Variants in TRDMT1 observed in about 807,000 individuals in gnomAD.
TRDMT1 encodes tRNA aspartic acid methyltransferase 1.
TRDMT1 carries 49 observed loss-of-function variants against 51.2 expected under a neutral mutation model. The ratio of observed to expected loss-of-function variants is 0.96; its 90% CI spans 0.76 to 1.21. The LOEUF (loss-of-function observed/expected upper bound fraction) is 1.21, where lower values mean the gene tolerates loss of function less well. Among genes scored for constraint, TRDMT1 ranks in the 50% most tolerant of loss-of-function variants. The pLI, the probability that TRDMT1 is intolerant of heterozygous loss-of-function variation, is 0.00. For missense variants in TRDMT1, 534 were observed against 462.3 expected (o/e 1.16, Z -1.42); for synonymous variants, 187 against 164.6 (o/e 1.14, Z -1.04).
chr10:17,148,236 T>C lies in TRDMT1; in HGVS notation c.*804A>G, dbSNP rs1323282008. The C allele has an allele frequency of 2.0e-6, 2 of 985,260 alleles. No individual in the cohort carries two copies. The highest frequency in any genetic ancestry group is 1.1e-4 in the East Asian group (1 of 8,826). 61.0% of individuals were successfully genotyped at this position (985,260 alleles called of 1,614,324 possible). A position where few individuals can be genotyped will look rare whatever the true frequency, so the allele number is the denominator to read the frequency against. ...GGGAGGGGAGTACTGTCATATGACA[T>C]GGGATCAGAGGGCAGCTTCCTCCCT... On this transcript the variant is annotated 3_prime_UTR_variant, in exon 11 of 11. Coordinates refer to ENST00000377799, the MANE Select transcript of TRDMT1 (RefSeq NM_004412.7).
chr10:17,159,958 T>C (rs990243342), intron 6 of TRDMT1, among the ~76,000 whole-genome samples: 1 of 152,180 alleles, frequency 6.6e-6, no homozygotes, highest in Non-Finnish European at 1.5e-5. Context: ...TGTTTTCTAT[T>C]TTGGATTATT....
At chr10:17,165,175 T>G (rs1588560612) in intron 3 of TRDMT1, among the ~76,000 whole-genome samples, 1 of 152,046 alleles carries the variant, frequency 6.6e-6, no homozygotes, top group African/African-American at 2.4e-5. Flanking sequence ...AACAGAGATA[T>G]AGATCAATGG....
At position 17,159,207 on chromosome 10, in the gene TRDMT1, A is replaced by G. The variant is rs766393195; in HGVS notation, c.482T>C (p.Leu161Pro). The change falls in exon 7 of 11, where the codon CTA becomes CCA. Residue 161 changes from leucine (L) to proline (P), a missense_variant. Transcript: ENST00000377799. ...PTSLGIPNSR[L>P]RYFLIAKLQS... ...AAGCTTTGCAATAAGAAAATATCGT[A>G]GCCTTGAATTTGGAATGCCAAGCTG... 1.9e-6 allele frequency: 3 copies of G among 1,603,056 alleles called. No individual in the cohort carries two copies. Among genetic ancestry groups the G allele is most frequent in the Non-Finnish European group, 2.6e-6 (3 of 1,174,222 alleles).
At chr10:17,161,821 G>A (rs1190517552) in intron 4 of TRDMT1, among the ~76,000 whole-genome samples, 2 of 152,116 alleles carry the variant, frequency 1.3e-5, no homozygotes, top group African/African-American at 2.4e-5. Context: ...CTGAAAGGGC[G>A]GCTACTCACA....
intron 1 of TRDMT1, among the ~76,000 whole-genome samples, chr10:17,200,896 C>T (rs1449300838): frequency 1.3e-5 from 2 of 152,052 alleles, no homozygotes; most frequent in Non-Finnish European, 2.9e-5. Flanking sequence ...GACTTTAATC[C>T]TTATAATAAT....
intron 1 of TRDMT1, among the ~76,000 whole-genome samples, chr10:17,193,994 A>G (rs1021143830): frequency 6.6e-6 from 1 of 152,240 alleles, no homozygotes; most frequent in African/African-American, 2.4e-5. Context: ...TAGATAACCC[A>G]GAAATAAAGG....
intron 1 of TRDMT1, among the ~76,000 whole-genome samples, chr10:17,198,389 T>C (rs920641988): frequency 6.6e-6 from 1 of 152,222 alleles, no homozygotes; most frequent in East Asian, 1.9e-4. Context: ...CAGCAGGTAA[T>C]TGATACAACT....
chr10:17,182,152 T>C (rs920299097), intron 1 of TRDMT1, among the ~76,000 whole-genome samples: 5 of 152,164 alleles, frequency 3.3e-5, no homozygotes, highest in Non-Finnish European at 5.9e-5. Flanking sequence ...ACGTTAAACC[T>C]TGGATGGAGA....
In TRDMT1 at chr10:17,161,560, T is replaced by A. The variant is rs762820926; in HGVS notation, c.324-12A>T. 3 of 1,221,706 alleles carry A rather than the reference T, an allele frequency of 2.5e-6. No individual in the cohort carries two copies. Among genetic ancestry groups the A allele is most frequent in the South Asian group, 1.5e-5 (1 of 65,176 alleles). The allele number at this position is 1,221,706 out of a possible 1,614,324, so 75.7% of individuals were successfully genotyped here. A position where few individuals can be genotyped will look rare whatever the true frequency, so the allele number is the denominator to read the frequency against. ...GTAATTTTTGTAATCTATAAAAAAA[T>A]AAACAAATGGAATTCTAAATATCTC... On this transcript the variant is annotated splice_polypyrimidine_tract_variant and intron_variant, in intron 4 of 10. Transcript: ENST00000377799.
At chr10:17,159,016 G>T in intron 7 of TRDMT1, 130 bp downstream of exon 7, 1 of 516,092 alleles carries the variant, frequency 1.9e-6, no homozygotes. Flanking sequence ...CTAGGGCATG[G>T]TCTATACTTT....
At chr10:17,174,770 G>T in intron 1 of TRDMT1, 110 bp from the exon 2 acceptor site, 1 of 853,976 alleles carries the variant, frequency 1.2e-6, no homozygotes, top group Non-Finnish European at 1.9e-6. Context: ...TCATTTATTA[G>T]CCTCATCTCA....
rs1445621393 is a variant in TRDMT1, at chr10:17,144,228, T to C, written c.*4812A>G. On this transcript the variant is annotated 3_prime_UTR_variant, in exon 11 of 11. Transcript: ENST00000377799. ...TGATCTCATCTGATTATAGAGCTAA[T>C]TTAGCTAAACAAACATGTTCTCTAT... 16 of 985,630 alleles carry C rather than the reference T, an allele frequency of 1.6e-5. No individual in the cohort carries two copies. Among genetic ancestry groups the C allele is most frequent in the Non-Finnish European group, 1.8e-5 (15 of 829,946 alleles). 61.1% of individuals were successfully genotyped at this position (985,630 alleles called of 1,614,324 possible).
Position 17,147,958 on chromosome 10 carries a change from A to T in TRDMT1, c.*1082T>A, listed in dbSNP as rs141924717. On this transcript the variant is annotated 3_prime_UTR_variant, in exon 11 of 11. Transcript: ENST00000377799. ...CAATGCACAAACTTCCAATTTATCC[A>T]CCTCTAAATAGCTGATTTTTAAGAA... 7.5e-4 allele frequency: 732 copies of T among 978,710 alleles called. 15 individuals carry two copies. Among genetic ancestry groups the T allele is most frequent in the Non-Finnish European group, 2.0e-4 (164 of 823,808 alleles). The allele number at this position is 978,710 out of a possible 1,614,324, so 60.6% of individuals were successfully genotyped here.
Position 17,157,565 on chromosome 10 carries a change from C to A in TRDMT1, c.763G>T (p.Asp255Tyr). ...ACGTCAGTGTCATCTTCAAGAAAAT[C>A]TTTTAGCATTTTCACAGAGAGATCA... ...DSDLSVKMLK[D>Y]FLEDDTDVNQ... is the part of the protein sequence containing the mutation. The change falls in exon 8 of 11, where the codon GAT (aspartate) becomes TAT (tyrosine). Residue 255 changes from aspartate to tyrosine, a missense_variant. Physicochemically the swap from Asp to Tyr is radical, Grantham distance 160. Coordinates refer to ENST00000377799, the MANE Select transcript of TRDMT1 (RefSeq NM_004412.7). 1.2e-6 allele frequency: 2 copies of A among 1,614,032 alleles called. No homozygotes were observed. Among genetic ancestry groups the A allele is most frequent in the Non-Finnish European group, 1.7e-6 (2 of 1,179,952 alleles).
intron 7 of TRDMT1, 112 bp downstream of exon 7, chr10:17,159,034 A>G: frequency 1.6e-6 from 1 of 636,138 alleles, no homozygotes; most frequent in Non-Finnish European, 2.4e-6. Context: ...TTTAGATTCT[A>G]TAGTACACAG....
chr10:17,146,674 C>A lies in TRDMT1; in HGVS notation c.*2366G>T. 1 of 985,350 alleles carries A rather than the reference C, an allele frequency of 1.0e-6. No individual in the cohort carries two copies. Among genetic ancestry groups the A allele is most frequent in the Non-Finnish European group, 1.2e-6 (1 of 829,888 alleles). The allele number at this position is 985,350 out of a possible 1,614,324, so 61.0% of individuals were successfully genotyped here. On this transcript the variant is annotated 3_prime_UTR_variant, in exon 11 of 11. Coordinates refer to ENST00000377799, the MANE Select transcript of TRDMT1 (RefSeq NM_004412.7). The stretch of plus-strand genomic sequence containing the variant: ...AAGGTATGGTGAAGACTGAATTACA[C>A]ATAGTTCTCCTGAAAATGAGAAGCT...
chr10:17,193,195 C>CTCTACTAAAAAT (rs1279817629), intron 1 of TRDMT1, among the ~76,000 whole-genome samples: 1 of 152,144 alleles, frequency 6.6e-6, no homozygotes, highest in Non-Finnish European at 1.5e-5. Flanking sequence ...GAAACCCCGT[C>CTCTACTAAAAAT]TCTACTAAAA....
At chr10:17,173,170 T>A (rs1241530966) in intron 2 of TRDMT1, among the ~76,000 whole-genome samples, 1 of 152,130 alleles carries the variant, frequency 6.6e-6, no homozygotes, top group Non-Finnish European at 1.5e-5. Flanking sequence ...TCTCATAAAG[T>A]TTAATAAATG....
chr10:17,180,034 T>C (rs887849151), intron 1 of TRDMT1, among the ~76,000 whole-genome samples: 1 of 152,154 alleles, frequency 6.6e-6, no homozygotes, highest in Non-Finnish European at 1.5e-5. Flanking sequence ...AAGTAAGAAG[T>C]ATAGGTCTTC....
Sources: allele counts gnomAD v4.1 joint callset (sites outside exome capture counted in the v4.1 genomes callset), GRCh38; gene constraint gnomAD v4.1.1; transcripts MANE v1.5; gene names NCBI Gene and HGNC (gene_info 2026-07-23, HGNC 2026-07-21).